NUP210L: variants seen among roughly 807,000 people sequenced by gnomAD.
NUP210L encodes nucleoporin 210 like.
A neutral mutation model predicts 208.5 loss-of-function variants in NUP210L; 74 were observed. That is an observed-to-expected ratio of 0.35 (90% CI 0.29 to 0.43). The LOEUF (loss-of-function observed/expected upper bound fraction) is 0.43. Among genes scored for constraint, NUP210L ranks in the 20% least tolerant of loss-of-function variants. NUP210L has a pLI of 1.00. For synonymous variants in NUP210L, 780 were observed against 816.9 expected, an observed-to-expected ratio of 0.95 and a Z score of 0.77; for missense variants, 1,843 against 2,289.4, an observed-to-expected ratio of 0.81 and a Z score of 3.98.
intron 12 of NUP210L, among the ~76,000 whole-genome samples, chr1:154,106,173 A>C (rs1160619112): frequency 6.6e-6 from 1 of 152,112 alleles, no homozygotes; most frequent in Non-Finnish European, 1.5e-5. Context: ...AGGCAAGGGA[A>C]TCGCTCGAAC....
At chr1:154,019,455 T>G (rs1651437458) in intron 32 of NUP210L, among the ~76,000 whole-genome samples, 3 of 152,168 alleles carry the variant, frequency 2.0e-5, no homozygotes, top group Non-Finnish European at 4.4e-5. Flanking sequence ...AGGATTTGTT[T>G]ATTTTGGCTT....
At chr1:153,999,463 T>C (rs948688106) in intron 37 of NUP210L, among the ~76,000 whole-genome samples, 1 of 152,202 alleles carries the variant, frequency 6.6e-6, no homozygotes. Context: ...ATTGGCCGGG[T>C]GCGGTGGCTC....
intron 27 of NUP210L, among the ~76,000 whole-genome samples, chr1:154,033,878 G>T (rs1457719419): frequency 6.6e-6 from 1 of 152,022 alleles, no homozygotes; most frequent in African/African-American, 2.4e-5. Context: ...TCCAATCCAT[G>T]AACATGGGAT....
intron 25 of NUP210L, among the ~76,000 whole-genome samples, chr1:154,046,600 A>G (rs1653197625): frequency 6.6e-6 from 1 of 152,260 alleles, no homozygotes; most frequent in Non-Finnish European, 1.5e-5. Context: ...AGTACTATTC[A>G]GCCATAAAAA....
exon 22 of NUP210L, chr1:154,058,200 GTTT>G (rs1181577184): frequency 2.3e-5 from 37 of 1,614,034 alleles, no homozygotes; most frequent in Non-Finnish European, 3.1e-5. Flanking sequence ...CACTAACACA[GTTT>G]TGTCTATTTC....
chr1:154,045,194 C>A (rs1286236072), intron 27 of NUP210L, among the ~76,000 whole-genome samples: 2 of 152,064 alleles, frequency 1.3e-5, no homozygotes, highest in African/African-American at 4.8e-5. Flanking sequence ...ACCCATGGTG[C>A]CTGACATGGG....
chr1:154,032,466 C>A (rs1652282664), intron 27 of NUP210L, among the ~76,000 whole-genome samples: 1 of 151,804 alleles, frequency 6.6e-6, no homozygotes, highest in Non-Finnish European at 1.5e-5. Context: ...TGTTGAGCAC[C>A]TTTTCATATA....
intron 22 of NUP210L, among the ~76,000 whole-genome samples, chr1:154,057,689 A>AGT (rs1333676264): frequency 3.3e-4 from 23 of 70,454 alleles, no homozygotes; most frequent in South Asian, 6.7e-4. Context: ...GAGGACCTCG[A>AGT]ATGTGTGTGT....
chr1:154,002,012 C>G, intron 35 of NUP210L, 27 bp from the exon 36 acceptor site: 1 of 1,609,604 alleles, frequency 6.2e-7, no homozygotes, highest in Non-Finnish European at 8.5e-7. Flanking sequence ...AAAAACTGAG[C>G]AGGAAGGTTC....
At chr1:154,110,929 T>C (rs1418370141) in intron 12 of NUP210L, among the ~76,000 whole-genome samples, 1 of 149,142 alleles carries the variant, frequency 6.7e-6, no homozygotes, top group Admixed American at 6.7e-5. Context: ...AAGCCAAAAT[T>C]AGTAGAAGAA....
chr1:154,068,762 GGGAATTGAAC>G (rs1654541806), intron 17 of NUP210L, among the ~76,000 whole-genome samples: 2 of 152,056 alleles, frequency 1.3e-5, no homozygotes, highest in South Asian at 4.2e-4. Flanking sequence ...ACTCATAGGT[GGGAATTGAAC>G]AATGAGAACA....
At chr1:154,056,820 T>C in exon 23 of NUP210L, 1 of 1,563,552 alleles carries the variant, frequency 6.4e-7, no homozygotes, top group East Asian at 2.3e-5. Context: ...CTTACTTCAA[T>C]GTGCCGAGGA....
At position 154,000,976 on chromosome 1, in the gene NUP210L, C is replaced by A. The variant is rs759964165; in HGVS notation, c.5266G>T (p.Val1756Leu). 9 of 1,614,060 alleles carry A rather than the reference C, an allele frequency of 5.6e-6. No individual in the cohort carries two copies. The highest frequency in any genetic ancestry group is 5.1e-6 in the Non-Finnish European group (6 of 1,180,038). ...TGCTGGAAGGAAGTGAAGTTGACCA[C>A]TCTTACAGAGTAAATGGCCAGGCCA... Residue 1756 changes from valine to leucine, a missense_variant, in exon 37 of 40, where the codon GTG (valine) becomes TTG (leucine). Transcript: ENST00000368559.
At chr1:154,062,567 C>CTTTTTTTTTTTTTT (rs34499821) in intron 17 of NUP210L, among the ~76,000 whole-genome samples, 174 of 74,990 alleles carry the variant, frequency 2.3e-3, no homozygotes, top group Non-Finnish European at 2.5e-3. Context: ...TTTCTTTTTC[C>CTTTTTTTTTTTTTT]TTTTTTTTTT....
chr1:154,045,840 C>T (rs1489842852), intron 27 of NUP210L, among the ~76,000 whole-genome samples: 1 of 151,970 alleles, frequency 6.6e-6, no homozygotes, highest in Non-Finnish European at 1.5e-5. Context: ...AAAAAATTAG[C>T]CAGGCATGAT....
chr1:154,154,649 CAT>C (rs940501377), intron 1 of NUP210L, among the ~76,000 whole-genome samples, 191 bp downstream of exon 1: 4 of 152,286 alleles, frequency 2.6e-5, no homozygotes, highest in Non-Finnish European at 5.9e-5. Flanking sequence ...GGATATACCA[CAT>C]GAGTAGGACA....
At chr1:154,046,614 T>A (rs890688100) in intron 25 of NUP210L, among the ~76,000 whole-genome samples, 2 of 152,178 alleles carry the variant, frequency 1.3e-5, no homozygotes, top group Admixed American at 6.6e-5. Context: ...ATAAAAAGAA[T>A]GAGATCCTGT....
intron 12 of NUP210L, among the ~76,000 whole-genome samples, chr1:154,113,170 AT>A (rs1427785557): frequency 2.4e-4 from 20 of 84,110 alleles, no homozygotes; most frequent in East Asian, 2.3e-3. Flanking sequence ...AAAAAAAAAT[AT>A]ATATATATAT....
intron 30 of NUP210L, among the ~76,000 whole-genome samples, 181 bp downstream of exon 30, chr1:154,025,355 CTTTTTT>C (rs11326284): frequency 7.9e-6 from 1 of 125,854 alleles, no homozygotes; most frequent in African/African-American, 3.1e-5. Flanking sequence ...TCTTCTTCTC[CTTTTTT>C]TTTTTTTTTT....
Sources: gnomAD v4.1 joint callset for allele counts (sites outside exome capture counted in the v4.1 genomes callset) on GRCh38, gnomAD v4.1.1 for gene constraint, MANE v1.5 for transcripts, NCBI Gene and HGNC (gene_info 2026-07-23, HGNC 2026-07-21) for gene names.